The following CFAP54 variants were observed in gnomAD, a reference collection of about 807,000 sequenced individuals.
CFAP54 encodes the protein cilia- and flagella-associated protein 54.
Under a neutral mutation model 370.4 loss-of-function variants are expected in CFAP54, and 290 were observed. That is an observed-to-expected ratio of 0.78 (90% CI 0.71 to 0.86). CFAP54 has a LOEUF of 0.86. Among genes scored for constraint, CFAP54 ranks in the 40% least tolerant of loss-of-function variants. The probability of loss-of-function intolerance (pLI) is 0.00; values close to 1 mark genes in which losing one functional copy is unlikely to be tolerated. For missense variants in CFAP54, 3,399 were observed against 3,528.7 expected (o/e 0.96, Z 0.93); for synonymous variants, 1,206 against 1,236.5 (o/e 0.98, Z 0.52).
intron 1 of CFAP54, among the ~76,000 whole-genome samples, chr12:96,490,374 A>G (rs879889526): frequency 6.6e-6 from 1 of 152,270 alleles, no homozygotes; most frequent in Non-Finnish European, 1.5e-5. Flanking sequence ...TAAAGTGCAC[A>G]TGTTCACAGG....
chr12:96,689,128 T>C, intron 43 of CFAP54, 146 bp downstream of exon 43: 1 of 516,742 alleles, frequency 1.9e-6, no homozygotes, highest in Admixed American at 3.7e-5. Flanking sequence ...TTTCTCTTGC[T>C]GGCTGAACCC....
At chr12:96,532,434 CT>C (rs1462021224) in intron 9 of CFAP54, among the ~76,000 whole-genome samples, 1 of 152,152 alleles carries the variant, frequency 6.6e-6, no homozygotes, top group Non-Finnish European at 1.5e-5. Context: ...AGTTTGGGCT[CT>C]TCTCTTCCTA....
intron 46 of CFAP54, 83 bp downstream of exon 46, chr12:96,700,176 T>C: frequency 3.6e-6 from 5 of 1,406,856 alleles, no homozygotes; most frequent in Non-Finnish European, 4.9e-6. Context: ...CCCACGAAAG[T>C]GTATTTACAA....
intron 36 of CFAP54, among the ~76,000 whole-genome samples, chr12:96,656,270 C>A (rs150808012): frequency 5.0e-4 from 76 of 152,150 alleles, no homozygotes; most frequent in African/African-American, 1.7e-3. Flanking sequence ...CTCAATGTTG[C>A]CAAATTTAGG....
At chr12:96,688,649 A>G (rs1162801823) in intron 42 of CFAP54, among the ~76,000 whole-genome samples, 2 of 152,168 alleles carry the variant, frequency 1.3e-5, no homozygotes, top group Non-Finnish European at 2.9e-5. Flanking sequence ...ATATGTATGT[A>G]TATGTTTCTC....
chr12:96,619,556 G>C (rs749368412), intron 26 of CFAP54, among the ~76,000 whole-genome samples: 3 of 152,032 alleles, frequency 2.0e-5, no homozygotes, highest in Non-Finnish European at 2.9e-5. Context: ...AAATTGTTAT[G>C]CTAAACATCT....
intron 36 of CFAP54, among the ~76,000 whole-genome samples, chr12:96,652,155 G>A (rs1485695358): frequency 6.6e-6 from 1 of 152,152 alleles, no homozygotes; most frequent in African/African-American, 2.4e-5. Flanking sequence ...GAATAAAGAT[G>A]TGATCAGCTG....
intron 63 of CFAP54, among the ~76,000 whole-genome samples, chr12:96,796,780 G>T (rs1592767033): frequency 1.3e-5 from 2 of 151,998 alleles, no homozygotes; most frequent in African/African-American, 4.8e-5. Context: ...TTGTAATGAT[G>T]TACGCTTTTT....
intron 55 of CFAP54, among the ~76,000 whole-genome samples, chr12:96,753,086 T>C (rs1260482102): frequency 6.6e-6 from 1 of 152,226 alleles, no homozygotes; most frequent in Non-Finnish European, 1.5e-5. Flanking sequence ...TTTTCGTTTT[T>C]GTCAAGTACC....
intron 25 of CFAP54, among the ~76,000 whole-genome samples, chr12:96,595,668 G>A (rs1029604326): frequency 6.6e-6 from 1 of 152,124 alleles, no homozygotes; most frequent in African/African-American, 2.4e-5. Context: ...ACAGCTGCTG[G>A]AGATCTGCCT....
Position 96,533,719 on chromosome 12 carries a change from G to T in CFAP54, c.1358-73G>T, listed in dbSNP as rs1387797111. On this transcript the variant is annotated intron_variant, in intron 9 of 67. Coordinates refer to ENST00000524981, the MANE Select transcript of CFAP54 (RefSeq NM_001306084.2). ...GATTGTGTTTTCCTGGTGCCTGAAA[G>T]TGTCTATAGTGAATATTTAATAAAT... 8.0e-6 allele frequency: 9 copies of T among 1,122,592 alleles called. 1 individual carries two copies. In the East Asian group the frequency reaches 2.2e-4, roughly 27 times the overall value. The allele number at this position is 1,122,592 out of a possible 1,614,324, so 69.5% of individuals were successfully genotyped here. A position where few individuals can be genotyped will look rare whatever the true frequency, so the allele number is the denominator to read the frequency against.
chr12:96,532,155 G>A (rs1955446746), intron 9 of CFAP54, among the ~76,000 whole-genome samples: 1 of 152,238 alleles, frequency 6.6e-6, no homozygotes, highest in African/African-American at 2.4e-5. Flanking sequence ...TCTTGTTTGT[G>A]CTTTTCCATT....
chr12:96,594,211 A>G (rs1956152664), intron 24 of CFAP54, 80 bp from the exon 25 acceptor site: 1 of 1,032,168 alleles, frequency 9.7e-7, no homozygotes. Context: ...GAAGGATCAC[A>G]TTTTCTACCC....
At chr12:96,705,767 T>C (rs554455916) in intron 47 of CFAP54, among the ~76,000 whole-genome samples, 74 of 152,276 alleles carry the variant, frequency 4.9e-4, no homozygotes, top group Middle Eastern at 6.8e-3. Flanking sequence ...TTTTTTTGCA[T>C]AAAGGGAAAG....
intron 39 of CFAP54, among the ~76,000 whole-genome samples, chr12:96,678,452 G>A (rs568861280): frequency 5.3e-5 from 8 of 151,868 alleles, no homozygotes; most frequent in Admixed American, 6.6e-5. Flanking sequence ...GGGTTTCACC[G>A]TGTTGGCCAG....
At chr12:96,538,018 G>A (rs1955526173) in intron 12 of CFAP54, among the ~76,000 whole-genome samples, 2 of 152,046 alleles carry the variant, frequency 1.3e-5, no homozygotes. Context: ...AACCTGCTGG[G>A]ATGTGGAGGT....
At chr12:96,490,334 T>C (rs1398949256) in intron 1 of CFAP54, among the ~76,000 whole-genome samples, 1 of 152,186 alleles carries the variant, frequency 6.6e-6, no homozygotes, top group African/African-American at 2.4e-5. Context: ...AAAAAGTCAC[T>C]GTAATCCTAA....
chr12:96,845,312 A>G (rs889805220), intron 66 of CFAP54, among the ~76,000 whole-genome samples: 8 of 152,200 alleles, frequency 5.3e-5, no homozygotes, highest in Admixed American at 4.6e-4. Context: ...GTTTATTGGT[A>G]GTATAACCAC....
chr12:96,595,535 C>T (rs1164358555), intron 25 of CFAP54, among the ~76,000 whole-genome samples: 1 of 152,122 alleles, frequency 6.6e-6, no homozygotes, highest in East Asian at 1.9e-4. Flanking sequence ...AGTGAACTCA[C>T]ACAAAGTCCA....
Sources: gnomAD v4.1 joint callset for allele counts (sites outside exome capture counted in the v4.1 genomes callset) on GRCh38, gnomAD v4.1.1 for gene constraint, MANE v1.5 for transcripts, NCBI Gene and HGNC (gene_info 2026-07-23, HGNC 2026-07-21) for gene names.